Variants in JPH3 observed in about 807,000 individuals in gnomAD.
JPH3 encodes junctophilin 3.
JPH3 carries 11 observed loss-of-function variants against 59.6 expected under a neutral mutation model. That is an observed-to-expected ratio of 0.18 (90% CI 0.12 to 0.31). JPH3 has a LOEUF of 0.31. Ranked by LOEUF, JPH3 falls within the 10% of genes least tolerant of loss-of-function variation. The pLI, the probability that JPH3 is intolerant of heterozygous loss-of-function variation, is 1.00. For missense variants in JPH3, 1,202 were observed against 1,105.7 expected (o/e 1.09, Z -1.24); for synonymous variants, 673 against 483.6 (o/e 1.39, Z -5.14).
intron 1 of JPH3, among the ~76,000 whole-genome samples, chr16:87,631,621 C>G (rs187610991): frequency 6.6e-6 from 1 of 152,280 alleles, no homozygotes; most frequent in East Asian, 1.9e-4. Context: ...AGTCTGGACG[C>G]TCACACCCTT....
intron 1 of JPH3, among the ~76,000 whole-genome samples, chr16:87,635,451 C>A (rs1723631721): frequency 6.6e-6 from 1 of 152,172 alleles, no homozygotes. Context: ...GCCATACTTA[C>A]CCACAAGGCC....
chr16:87,619,099 AAAG>A (rs1457412718), intron 1 of JPH3, among the ~76,000 whole-genome samples: 2 of 151,768 alleles, frequency 1.3e-5, no homozygotes, highest in Middle Eastern at 3.4e-3. Flanking sequence ...AAAAAAAAAA[AAAG>A]GGGGGGCACT....
rs1376575345 is a variant in JPH3 at position 87,677,170 on chromosome 16, CGCACTATATATATAT to C, written c.1161-6971_1161-6957del. 1.6e-4 allele frequency among the ~76,000 whole-genome samples: 22 copies of C among 134,656 alleles called. 1 individual carries two copies. The highest frequency in any genetic ancestry group is 6.1e-4 in the African/African-American group (21 of 34,580). 88.3% of individuals were successfully genotyped at this position (134,656 alleles called of 152,430 possible). A position where few individuals can be genotyped will look rare whatever the true frequency, so the allele number is the denominator to read the frequency against. The stretch of plus-strand genomic sequence containing the variant: ...TGGGACTCCATTATACACACACACA[CGCACTATATATATAT>C]ACACACACACACACACACACACACA... On this transcript the variant is annotated intron_variant, in intron 2 of 4. Transcript: ENST00000284262.
rs1377319411 is a variant in JPH3 at position 87,602,942 on chromosome 16, A to G, written c.-205A>G. On this transcript the variant is annotated 5_prime_UTR_variant, in exon 1 of 5. Coordinates refer to ENST00000284262, the MANE Select transcript of JPH3 (RefSeq NM_020655.4). The stretch of plus-strand genomic sequence containing the variant: ...TGGTCAGGCTCCGCGGCGCAGCTCG[A>G]AAAGGAATAATCGCCCCCGATTGAC... The G allele has an allele frequency of 7.3e-6, 3 of 411,364 alleles. No homozygotes were observed. Among genetic ancestry groups the G allele is most frequent in the Non-Finnish European group, 1.3e-5 (3 of 234,240 alleles). The allele number at this position is 411,364 out of a possible 1,614,324, so 25.5% of individuals were successfully genotyped here.
chr16:87,663,654 C>G lies in JPH3; in HGVS notation c.1160+18619C>G, dbSNP rs190929637. Among the ~76,000 whole-genome samples the G allele has an allele frequency of 6.6e-5, 10 of 152,300 alleles. 1 individual carries two copies. Among genetic ancestry groups the G allele is most frequent in the African/African-American group, 2.4e-4 (10 of 41,556 alleles). ...GATGCATACGCACCTCACACAGCCC[C>G]AGCCGCCCCAGGGACCCCATCCTCG... On this transcript the variant is annotated intron_variant, in intron 2 of 4. Coordinates refer to ENST00000284262, the MANE Select transcript of JPH3 (RefSeq NM_020655.4).
At chr16:87,668,574 G>C (rs1286108488) in intron 2 of JPH3, among the ~76,000 whole-genome samples, 1 of 152,182 alleles carries the variant, frequency 6.6e-6, no homozygotes, top group African/African-American at 2.4e-5. Context: ...AAAATCACCT[G>C]TCCTTGCCAA....
At chr16:87,607,376 G>A (rs778159133) in intron 1 of JPH3, among the ~76,000 whole-genome samples, 18 of 152,122 alleles carry the variant, frequency 1.2e-4, no homozygotes, top group Admixed American at 2.0e-4. Context: ...CCCGTTCACC[G>A]GCCCAGATTC....
At chr16:87,656,855 T>C (rs903372980) in intron 2 of JPH3, among the ~76,000 whole-genome samples, 13 of 152,142 alleles carry the variant, frequency 8.5e-5, no homozygotes, top group African/African-American at 3.1e-4. Flanking sequence ...ACAGTCCAAA[T>C]GCATGGTGCC....
rs2032046088 is a variant in JPH3, at chr16:87,644,043, C to T, written c.383-215C>T. 3.9e-5 allele frequency among the ~76,000 whole-genome samples: 6 copies of T among 152,194 alleles called. No homozygotes were observed. The South Asian group carries it at 1.2e-3, about 31-fold the overall frequency. ...GTCCCAGCTGCGCAGGAGGCTGAGG[C>T]AGGAGGATCGCCTGAGCCCAGGGGT... On this transcript the variant is annotated intron_variant, in intron 1 of 4. Coordinates refer to ENST00000284262, the MANE Select transcript of JPH3 (RefSeq NM_020655.4).
chr16:87,659,210 CT>C (rs1264743414), intron 2 of JPH3, among the ~76,000 whole-genome samples: 1 of 151,666 alleles, frequency 6.6e-6, no homozygotes, highest in Non-Finnish European at 1.5e-5. Context: ...CCCCTCTCTA[CT>C]GAAAATACAA....
Position 87,684,277 on chromosome 16 carries a change from C to T in JPH3, c.1285+11C>T. The T allele has an allele frequency of 1.2e-6, 2 of 1,613,586 alleles. No individual in the cohort carries two copies. Among genetic ancestry groups the T allele is most frequent in the South Asian group, 1.1e-5 (1 of 91,022 alleles). ...AGCACCGGGAAAACGGTGAGTCTCG[C>T]CGGGCCTGATACTGGCATCGTGGGG... is the stretch of plus-strand genomic sequence containing the variant. On this transcript the variant is annotated intron_variant, in intron 3 of 4. Transcript: ENST00000284262.
chr16:87,640,307 G>A (rs1597253996), intron 1 of JPH3, among the ~76,000 whole-genome samples: 1 of 147,060 alleles, frequency 6.8e-6, no homozygotes, highest in African/African-American at 2.5e-5. Flanking sequence ...CTAGCCTGGC[G>A]ACAGAGCAAG....
intron 2 of JPH3, among the ~76,000 whole-genome samples, chr16:87,661,393 T>C (rs2032697939): frequency 6.6e-6 from 1 of 152,256 alleles, no homozygotes; most frequent in Admixed American, 6.5e-5. Context: ...TTGAGGGCTG[T>C]GTTTCTGCTG....
At chr16:87,691,849 C>T (rs75691254) in intron 4 of JPH3, among the ~76,000 whole-genome samples, 1,901 of 152,194 alleles carry the variant, frequency 0.012, 47 homozygotes, top group African/African-American at 0.043. Flanking sequence ...GTGTGCGTGG[C>T]TGTGCGCGCG....
At chr16:87,661,936 A>G (rs2032717491) in intron 2 of JPH3, among the ~76,000 whole-genome samples, 1 of 152,216 alleles carries the variant, frequency 6.6e-6, no homozygotes. Flanking sequence ...GTACGCCACC[A>G]CTACTCCTGA....
rs145722262 is a variant in JPH3 at position 87,619,809 on chromosome 16, A to G, written c.382+16281A>G. Among the ~76,000 whole-genome samples, 191 of 152,328 alleles carry G rather than the reference A, an allele frequency of 1.3e-3. 2 individuals are homozygous for G. Among genetic ancestry groups the G allele is most frequent in the African/African-American group, 4.4e-3 (184 of 41,580 alleles). ...CTTGGTTGGGGGAATAGGACCCGTC[A>G]GTCAGCCCTGCACAGCTTCCTGCGG... On this transcript the variant is annotated intron_variant, in intron 1 of 4. Coordinates refer to ENST00000284262, the MANE Select transcript of JPH3 (RefSeq NM_020655.4).
chr16:87,690,599 G>A (rs1053998694), intron 4 of JPH3, 73 bp downstream of exon 4: 2 of 1,383,336 alleles, frequency 1.4e-6, no homozygotes, highest in Admixed American at 3.4e-5. Context: ...TGTTTCCTGA[G>A]GGTTTCCAGC....
At chr16:87,669,910 C>T (rs542293549) in intron 2 of JPH3, among the ~76,000 whole-genome samples, 9 of 152,190 alleles carry the variant, frequency 5.9e-5, no homozygotes, top group African/African-American at 1.7e-4. Context: ...CGGTGAGGGC[C>T]GGACTGCACA....
In JPH3 at chr16:87,644,388, C is replaced by T; in HGVS notation, c.513C>T (p.His171=). The part of the protein sequence containing the change: ...RTSINSLRSE[H]TNGTALHPDA... ...CCATCAACTCCCTGCGCAGCGAGCA[C>T]ACCAACGGCACGGCGCTGCATCCCG... The change falls in exon 2 of 5, where the codon CAC becomes CAT. Residue 171 remains histidine (H), a synonymous_variant. Transcript: ENST00000284262. 6.2e-7 allele frequency: 1 copy of T among 1,612,778 alleles called. No homozygotes were observed. The highest frequency in any genetic ancestry group is 8.5e-7 in the Non-Finnish European group (1 of 1,179,834).
Sources: allele counts gnomAD v4.1 joint callset (sites outside exome capture counted in the v4.1 genomes callset), GRCh38; gene constraint gnomAD v4.1.1; transcripts MANE v1.5; gene names NCBI Gene and HGNC (gene_info 2026-07-23, HGNC 2026-07-21).